The following TTLL5 variants were observed in gnomAD, a reference collection of about 807,000 sequenced individuals.
The protein encoded by TTLL5 is tubulin polyglutamylase TTLL5.
TTLL5 carries 132 observed loss-of-function variants against 168.4 expected under a neutral mutation model. The observed-to-expected ratio is 0.78, with a 90% CI of 0.68 to 0.91. The LOEUF is 0.91. Ranked by LOEUF, TTLL5 falls within the 40% of genes least tolerant of loss-of-function variation. TTLL5 has a pLI of 0.00. For missense variants in TTLL5, 1,545 were observed against 1,581.5 expected, an observed-to-expected ratio of 0.98 and a Z score of 0.39; for synonymous variants, 546 against 558.6, an observed-to-expected ratio of 0.98 and a Z score of 0.32.
chr14:75,902,339 G>A, intron 31 of TTLL5, 115 bp downstream of exon 31: 1 of 1,108,842 alleles, frequency 9.0e-7, no homozygotes, highest in Non-Finnish European at 1.3e-6. Context: ...GAAACATCTA[G>A]CCTCTCAAAA....
chr14:75,875,970 T>TGTA (rs2031452685), intron 29 of TTLL5, among the ~76,000 whole-genome samples: 1 of 152,248 alleles, frequency 6.6e-6, no homozygotes, highest in South Asian at 2.1e-4. Context: ...AACCTTTTTA[T>TGTA]GTATGTGTGT....
chr14:75,781,437 G>A lies in TTLL5; in HGVS notation c.2516-1050G>A, dbSNP rs554403457. ...ATTGGCGATGGAGGGGAGAAAATTCGTATGTCTTTATTCTTTCACTCTGAA... is the reference window on the plus strand; with the variant it reads ...ATTGGCGATGGAGGGGAGAAAATTCATATGTCTTTATTCTTTCACTCTGAA... On this transcript the variant is annotated intron_variant, in intron 24 of 31. Coordinates refer to ENST00000298832, the MANE Select transcript of TTLL5 (RefSeq NM_015072.5). Among the ~76,000 whole-genome samples, 3 of 152,202 alleles carry A rather than the reference G, an allele frequency of 2.0e-5. No individual in the cohort carries two copies. In the East Asian group the frequency reaches 5.8e-4, roughly 29 times the overall value.
Position 75,735,298 on chromosome 14 carries a change from A to G in TTLL5, c.1281+9A>G, listed in dbSNP as rs374428308. ...CTTTCCAGAAACCTCAGGTAAGCCA[A>G]TTCCACAGCAGGGAGCCTGAAGGAG... is the stretch of plus-strand genomic sequence containing the variant. On this transcript the variant is annotated intron_variant, in intron 15 of 31. Transcript: ENST00000298832. The G allele has an allele frequency of 5.9e-5, 96 of 1,613,830 alleles. No individual in the cohort carries two copies. Among genetic ancestry groups the G allele is most frequent in the Admixed American group, 6.7e-5 (4 of 60,008 alleles).
At chr14:75,829,168 A>G (rs939891377) in intron 28 of TTLL5, among the ~76,000 whole-genome samples, 1 of 152,180 alleles carries the variant, frequency 6.6e-6, no homozygotes, top group Non-Finnish European at 1.5e-5. Flanking sequence ...TTCATGGAAA[A>G]GAAAAGGTGT....
rs1319927509 is a variant in TTLL5, at chr14:75,874,995, G to T, written c.3523-7690G>T. 2.9e-5 allele frequency among the ~76,000 whole-genome samples: 4 copies of T among 139,498 alleles called. No individual in the cohort carries two copies. The East Asian group carries it at 6.9e-4, about 24-fold the overall frequency. 91.5% of individuals were successfully genotyped at this position (139,498 alleles called of 152,430 possible). On this transcript the variant is annotated intron_variant, in intron 29 of 31. Transcript: ENST00000298832. ...GTCACCCAGGCTGGAGTGCAGTGGC[G>T]TGATCTTGGCTCACTGAAAGCTCCG...
intron 3 of TTLL5, among the ~76,000 whole-genome samples, chr14:75,673,664 C>T (rs77194462): frequency 0.013 from 2,007 of 152,280 alleles, 40 homozygotes; most frequent in African/African-American, 0.046. Context: ...ACATAGTAGG[C>T]GCTCAAAACT....
intron 31 of TTLL5, among the ~76,000 whole-genome samples, chr14:75,920,684 T>C (rs1018506037): frequency 1.3e-5 from 2 of 152,226 alleles, no homozygotes; most frequent in Admixed American, 6.5e-5. Flanking sequence ...GTCTTTGCTG[T>C]TGTGAATAGT....
intron 30 of TTLL5, among the ~76,000 whole-genome samples, chr14:75,885,388 C>T (rs750441180): frequency 1.4e-5 from 2 of 143,560 alleles, no homozygotes; most frequent in African/African-American, 2.6e-5. Flanking sequence ...GCTACTTGGG[C>T]GGCTGAGGCA....
chr14:75,885,745 C>T (rs2032081867), intron 30 of TTLL5, among the ~76,000 whole-genome samples: 1 of 152,138 alleles, frequency 6.6e-6, no homozygotes, highest in Non-Finnish European at 1.5e-5. Context: ...GCCAGCATAG[C>T]AAGTTACTCA....
intron 28 of TTLL5, among the ~76,000 whole-genome samples, chr14:75,858,474 C>T (rs1035098038): frequency 1.3e-5 from 2 of 152,176 alleles, no homozygotes; most frequent in African/African-American, 4.8e-5. Context: ...AGCAATTCGG[C>T]TGCTTAGTAT....
In TTLL5 at chr14:75,914,031, A is replaced by ATATATATATATAT. The variant is rs1375194323; in HGVS notation, c.3823+11807_3823+11808insTATATATATATAT. ...CTGTTTAAAAGGAAAAAAAAAAAAA[A>ATATATATATATAT]AAATATATATATATATATATATATT... is the stretch of plus-strand genomic sequence containing the variant. On this transcript the variant is annotated intron_variant, in intron 31 of 31. Transcript: ENST00000298832. 3.9e-5 allele frequency among the ~76,000 whole-genome samples: 3 copies of ATATATATATATAT among 77,294 alleles called. No individual in the cohort carries two copies. In the African/African-American group the frequency reaches 5.1e-4, roughly 13 times the overall value. The allele number at this position is 77,294 out of a possible 152,430, so 50.7% of individuals were successfully genotyped here.
chr14:75,885,038 T>G (rs2032034463), intron 30 of TTLL5, among the ~76,000 whole-genome samples: 1 of 150,190 alleles, frequency 6.7e-6, no homozygotes, highest in African/African-American at 2.5e-5. Context: ...CCAGGCATGC[T>G]GGCAGGCACC....
intron 7 of TTLL5, among the ~76,000 whole-genome samples, chr14:75,703,444 G>A (rs1886423886): frequency 6.6e-6 from 1 of 152,166 alleles, no homozygotes; most frequent in Non-Finnish European, 1.5e-5. Flanking sequence ...GTTGGCTAAC[G>A]TGGTCTCATA....
intron 28 of TTLL5, among the ~76,000 whole-genome samples, chr14:75,850,863 T>A (rs1440941231): frequency 6.6e-6 from 1 of 151,898 alleles, no homozygotes; most frequent in Non-Finnish European, 1.5e-5. Flanking sequence ...ATCCCAGCAC[T>A]TTGGGAGGCT....
chr14:75,669,346 T>C, intron 2 of TTLL5, 70 bp from the exon 3 acceptor site: 4 of 1,404,140 alleles, frequency 2.8e-6, no homozygotes, highest in South Asian at 2.5e-5. Context: ...CAACAAACCA[T>C]AGTAATCTGC....
chr14:75,799,015 T>C (rs976102404), intron 27 of TTLL5, among the ~76,000 whole-genome samples: 1 of 152,232 alleles, frequency 6.6e-6, no homozygotes, highest in African/African-American at 2.4e-5. Context: ...CTGTTGTCTC[T>C]TTGTTGACTT....
rs1887577550 is a variant in TTLL5 at position 75,717,912 on chromosome 14, C to A, written c.792C>A (p.Phe264Leu). 6.2e-7 allele frequency: 1 copy of A among 1,613,722 alleles called. No homozygotes were observed. The highest frequency in any genetic ancestry group is 8.5e-7 in the Non-Finnish European group (1 of 1,179,928). Residue 264 changes from phenylalanine to leucine, a missense_variant, in exon 10 of 32, where the codon TTC becomes TTA. Transcript: ENST00000298832. Reference protein sequence around the residue: ...DQGAKNIRNQFMHLTNYSVNK... With the variant: ...DQGAKNIRNQLMHLTNYSVNK... ...GAGCCAAGAACATTCGGAACCAGTT[C>A]ATGCATCTGACAAACTACAGTGTCA...
At chr14:75,765,066 A>G (rs1198777140) in intron 19 of TTLL5, among the ~76,000 whole-genome samples, 1 of 152,184 alleles carries the variant, frequency 6.6e-6, no homozygotes, top group African/African-American at 2.4e-5. Context: ...AGTTTAATGG[A>G]ATCCTGAGCA....
rs3034073 is a variant in TTLL5, at chr14:75,928,342, CATATATAT to C, written c.3824-26063_3824-26056del. Among the ~76,000 whole-genome samples the C allele has an allele frequency of 3.5e-3, 290 of 82,000 alleles. 25 individuals carry two copies. Among genetic ancestry groups the C allele is most frequent in the African/African-American group, 9.0e-3 (192 of 21,238 alleles). 53.8% of individuals were successfully genotyped at this position (82,000 alleles called of 152,430 possible). A position where few individuals can be genotyped will look rare whatever the true frequency, so the allele number is the denominator to read the frequency against. ...CTCTGTGATGAATGAATGACAAAAACATATATATATATATATATATATATATCACTGTA... is the reference window on the plus strand; with the variant it reads ...CTCTGTGATGAATGAATGACAAAAACATATATATATATATATATCACTGTA... On this transcript the variant is annotated intron_variant, in intron 31 of 31. Coordinates refer to ENST00000298832, the MANE Select transcript of TTLL5 (RefSeq NM_015072.5).
Sources: gnomAD v4.1 joint callset for allele counts (sites outside exome capture counted in the v4.1 genomes callset) on GRCh38, gnomAD v4.1.1 for gene constraint, MANE v1.5 for transcripts, NCBI Gene and HGNC (gene_info 2026-07-23, HGNC 2026-07-21) for gene names.